Variants in EXOC6B observed in about 807,000 individuals in gnomAD.
EXOC6B encodes the protein SEC15 homolog B.
EXOC6B carries 54 observed loss-of-function variants against 113.5 expected under a neutral mutation model. That is an observed-to-expected ratio of 0.48 (90% CI 0.38 to 0.60). EXOC6B has a LOEUF of 0.60. Among genes scored for constraint, EXOC6B ranks in the 20% least tolerant of loss-of-function variants. The probability of loss-of-function intolerance (pLI) is 0.00; values close to 1 mark genes in which losing one functional copy is unlikely to be tolerated. For missense variants in EXOC6B, 797 were observed against 977.5 expected, an observed-to-expected ratio of 0.82 and a Z score of 2.46; for synonymous variants, 357 against 339.0, an observed-to-expected ratio of 1.05 and a Z score of -0.58.
At chr2:72,371,512 G>C (rs1691014417) in intron 19 of EXOC6B, among the ~76,000 whole-genome samples, 1 of 152,060 alleles carries the variant, frequency 6.6e-6, no homozygotes, top group African/African-American at 2.4e-5. Flanking sequence ...TTTATCCCCG[G>C]GATGCAAGGA....
intron 6 of EXOC6B, among the ~76,000 whole-genome samples, chr2:72,705,941 G>C (rs1301209599): frequency 6.6e-6 from 1 of 152,124 alleles, no homozygotes; most frequent in Non-Finnish European, 1.5e-5. Flanking sequence ...ATTACCTGTT[G>C]AATGTGCTTC....
chr2:72,402,482 C>T (rs1234584976), intron 18 of EXOC6B, among the ~76,000 whole-genome samples: 2 of 152,118 alleles, frequency 1.3e-5, no homozygotes, highest in Admixed American at 1.3e-4. Context: ...ATCTACTTTC[C>T]TTTCATTTTA....
intron 6 of EXOC6B, among the ~76,000 whole-genome samples, chr2:72,587,773 A>G (rs185365549): frequency 8.1e-4 from 123 of 152,266 alleles, no homozygotes; most frequent in Non-Finnish European, 1.4e-3. Context: ...CTAATCATGT[A>G]TCTGATAAGG....
At chr2:72,483,372 CTAA>C (rs1699217746) in intron 16 of EXOC6B, among the ~76,000 whole-genome samples, 1 of 151,814 alleles carries the variant, frequency 6.6e-6, no homozygotes, top group Admixed American at 6.6e-5. Flanking sequence ...AAAAGAAATC[CTAA>C]TAATAAGGAG....
intron 8 of EXOC6B, among the ~76,000 whole-genome samples, chr2:72,525,603 C>T (rs1701713093): frequency 6.6e-6 from 1 of 152,036 alleles, no homozygotes; most frequent in African/African-American, 2.4e-5. Flanking sequence ...GAAACCCTAA[C>T]CTGAATTATC....
chr2:72,381,820 GT>G (rs1320317392), intron 18 of EXOC6B, among the ~76,000 whole-genome samples: 4 of 152,034 alleles, frequency 2.6e-5, no homozygotes, highest in African/African-American at 9.7e-5. Flanking sequence ...AGTTTTATAA[GT>G]TTTTCTGCTA....
At chr2:72,550,959 C>T (rs1156549394) in intron 8 of EXOC6B, among the ~76,000 whole-genome samples, 2 of 146,726 alleles carry the variant, frequency 1.4e-5, no homozygotes, top group Admixed American at 6.9e-5. Context: ...CACCCTGTTG[C>T]CCAGGCTGAA....
chr2:72,385,483 G>C (rs79414898), intron 18 of EXOC6B, among the ~76,000 whole-genome samples: 3,411 of 148,644 alleles, frequency 0.023, 62 homozygotes, highest in Non-Finnish European at 0.035. Flanking sequence ...AACCACAAAA[G>C]TACAGGCAAC....
chr2:72,574,021 C>T (rs558528274), intron 7 of EXOC6B, among the ~76,000 whole-genome samples: 106 of 149,930 alleles, frequency 7.1e-4, no homozygotes, highest in African/African-American at 2.6e-3. Flanking sequence ...TAGGCTGAGG[C>T]AGGAGAATGG....
At chr2:72,735,445 C>T (rs369410296) in intron 2 of EXOC6B, among the ~76,000 whole-genome samples, 14 of 152,270 alleles carry the variant, frequency 9.2e-5, no homozygotes, top group African/African-American at 2.6e-4. Context: ...GATCAAGGCA[C>T]ACTAAATTAA....
chr2:72,608,176 C>G (rs1670863558), intron 6 of EXOC6B, among the ~76,000 whole-genome samples: 1 of 151,798 alleles, frequency 6.6e-6, no homozygotes, highest in Non-Finnish European at 1.5e-5. Flanking sequence ...GAGAATGGAG[C>G]ATTAATATTT....
intron 20 of EXOC6B, among the ~76,000 whole-genome samples, chr2:72,203,170 G>C (rs907511881): frequency 2.6e-5 from 4 of 152,294 alleles, no homozygotes; most frequent in Non-Finnish European, 5.9e-5. Context: ...CACACTTGCT[G>C]TTCTGATTTA....
chr2:72,477,012 T>C (rs1698792471), intron 17 of EXOC6B, among the ~76,000 whole-genome samples: 2 of 152,172 alleles, frequency 1.3e-5, no homozygotes, highest in African/African-American at 4.8e-5. Flanking sequence ...AACCTCATCC[T>C]CTTGGGAATT....
At chr2:72,750,616 T>C (rs1681978815) in intron 1 of EXOC6B, among the ~76,000 whole-genome samples, 1 of 152,134 alleles carries the variant, frequency 6.6e-6, no homozygotes, top group South Asian at 2.1e-4. Context: ...CTTGCCTATC[T>C]GGTGTTAGCT....
chr2:72,516,117 T>C (rs1413576307), intron 8 of EXOC6B, among the ~76,000 whole-genome samples: 2 of 152,234 alleles, frequency 1.3e-5, no homozygotes, highest in East Asian at 3.8e-4. Flanking sequence ...AAAACTGGGA[T>C]AGAATACATT....
At chr2:72,793,687 A>C (rs1684799057) in intron 1 of EXOC6B, among the ~76,000 whole-genome samples, 1 of 152,240 alleles carries the variant, frequency 6.6e-6, no homozygotes, top group South Asian at 2.1e-4. Context: ...CAAACAGGTT[A>C]GCGAGGTACA....
intron 8 of EXOC6B, among the ~76,000 whole-genome samples, chr2:72,553,799 T>A (rs1443706009): frequency 6.6e-6 from 1 of 152,136 alleles, no homozygotes; most frequent in African/African-American, 2.4e-5. Flanking sequence ...TACACCAAAA[T>A]AAGCTTGTAC....
At chr2:72,184,953 G>A (rs2104231959) in intron 20 of EXOC6B, among the ~76,000 whole-genome samples, 1 of 152,346 alleles carries the variant, frequency 6.6e-6, no homozygotes, top group African/African-American at 2.4e-5. Flanking sequence ...TGTGTGAAAA[G>A]ACAATGAGAG....
At position 72,213,874 on chromosome 2, in the gene EXOC6B, T is replaced by TTC. The variant is rs201823779; in HGVS notation, c.2197-29689_2197-29688dup. On this transcript the variant is annotated intron_variant, in intron 20 of 21. Coordinates refer to ENST00000272427, the MANE Select transcript of EXOC6B (RefSeq NM_015189.3). The stretch of plus-strand genomic sequence containing the variant: ...CACGGAATCTGCCTTGATCCTGGAC[T>TTC]TCTCACAACTGTGAGAAGTAAATTT... Among the ~76,000 whole-genome samples, 167 of 152,262 alleles carry TTC rather than the reference T, an allele frequency of 1.1e-3. 1 individual carries two copies. In the East Asian group the frequency reaches 0.027, roughly 25 times the overall value.
Sources: gnomAD v4.1 joint callset for allele counts (sites outside exome capture counted in the v4.1 genomes callset) on GRCh38, gnomAD v4.1.1 for gene constraint, MANE v1.5 for transcripts, NCBI Gene and HGNC (gene_info 2026-07-23, HGNC 2026-07-21) for gene names.